Variants in EPHA6 observed in about 807,000 individuals in gnomAD.
EPHA6 encodes the protein EPH receptor A6, also known as ephrin type-A receptor 6.
A neutral mutation model predicts 112.0 loss-of-function variants in EPHA6; 50 were observed. The observed-to-expected ratio is 0.45, with a 90% CI of 0.36 to 0.56. The LOEUF (loss-of-function observed/expected upper bound fraction) is 0.56, where lower values mean the gene tolerates loss of function less well. Ranked by LOEUF, EPHA6 falls within the 20% of genes least tolerant of loss-of-function variation. The pLI, the probability that EPHA6 is intolerant of heterozygous loss-of-function variation, is 0.00. For missense variants in EPHA6, 1,280 were observed against 1,417.4 expected, an observed-to-expected ratio of 0.90 and a Z score of 1.56; for synonymous variants, 529 against 490.7, an observed-to-expected ratio of 1.08 and a Z score of -1.03.
At chr3:97,333,908 T>TGCAA (rs1260153650) in intron 5 of EPHA6, among the ~76,000 whole-genome samples, 1 of 152,132 alleles carries the variant, frequency 6.6e-6, no homozygotes, top group Non-Finnish European at 1.5e-5. Context: ...CATTCAGTCT[T>TGCAA]GCACCATCAA....
chr3:97,040,049 C>A (rs2045258324), intron 3 of EPHA6, among the ~76,000 whole-genome samples: 1 of 151,544 alleles, frequency 6.6e-6, no homozygotes, highest in East Asian at 1.9e-4. Context: ...GAGTGAGAAT[C>A]ATACCTGCTA....
At chr3:97,446,589 G>C (rs1172844283) in intron 6 of EPHA6, among the ~76,000 whole-genome samples, 1 of 152,006 alleles carries the variant, frequency 6.6e-6, no homozygotes, top group African/African-American at 2.4e-5. Flanking sequence ...TTGCTTTAAA[G>C]TTCTTATCTC....
chr3:97,516,315 C>A (rs1249622859), intron 10 of EPHA6, among the ~76,000 whole-genome samples: 1 of 152,146 alleles, frequency 6.6e-6, no homozygotes, highest in Non-Finnish European at 1.5e-5. Context: ...TGGTCTACTC[C>A]TCCTACTAAC....
At chr3:96,835,736 A>G (rs2034371896) in intron 1 of EPHA6, among the ~76,000 whole-genome samples, 1 of 152,102 alleles carries the variant, frequency 6.6e-6, no homozygotes, top group African/African-American at 2.4e-5. Context: ...ACCCAGATTT[A>G]TCTCTGTAAA....
chr3:96,873,265 G>GA (rs879807194), intron 2 of EPHA6, among the ~76,000 whole-genome samples: 2,295 of 140,080 alleles, frequency 0.016, 21 homozygotes, highest in Non-Finnish European at 0.022. Context: ...TTTCATCTCA[G>GA]AAAAAAAAAA....
At chr3:97,502,264 G>A (rs894757962) in intron 10 of EPHA6, among the ~76,000 whole-genome samples, 1 of 150,168 alleles carries the variant, frequency 6.7e-6, no homozygotes, top group South Asian at 2.1e-4. Context: ...TGCCTCCTAG[G>A]TTCAAGTGTT....
chr3:97,624,740 G>C (rs914827281), intron 13 of EPHA6, among the ~76,000 whole-genome samples: 14 of 151,408 alleles, frequency 9.2e-5, no homozygotes, highest in African/African-American at 3.1e-4. Flanking sequence ...ACTAGTTATA[G>C]GTCTATTCAG....
At chr3:97,183,965 T>C (rs2108458556) in intron 3 of EPHA6, among the ~76,000 whole-genome samples, 1 of 152,260 alleles carries the variant, frequency 6.6e-6, no homozygotes, top group Middle Eastern at 3.4e-3. Context: ...TAATAATGGC[T>C]TCATTGTTTC....
chr3:97,119,320 T>C (rs754912809), intron 3 of EPHA6, among the ~76,000 whole-genome samples: 2 of 152,048 alleles, frequency 1.3e-5, no homozygotes, highest in Non-Finnish European at 2.9e-5. Flanking sequence ...TTTCTCTAGG[T>C]GCGTGTTGCC....
intron 3 of EPHA6, among the ~76,000 whole-genome samples, chr3:97,071,825 G>A (rs2046368324): frequency 1.3e-5 from 2 of 151,952 alleles, no homozygotes; most frequent in East Asian, 3.9e-4. Context: ...CCGATCACCC[G>A]AGCTCTATAC....
intron 3 of EPHA6, among the ~76,000 whole-genome samples, chr3:97,141,279 A>G (rs1163594912): frequency 6.6e-6 from 1 of 152,092 alleles, no homozygotes; most frequent in Non-Finnish European, 1.5e-5. Context: ...TCCTCAAAGC[A>G]GAAAATCAAC....
rs766646757 is a variant in EPHA6 at position 96,814,771 on chromosome 3, C to T, written c.148C>T (p.Pro50Ser). 9 of 1,602,844 alleles carry T rather than the reference C, an allele frequency of 5.6e-6. No individual in the cohort carries two copies. Among genetic ancestry groups the T allele is most frequent in the East Asian group, 4.5e-5 (2 of 44,428 alleles). The change falls in exon 1 of 18, where the codon CCT becomes TCT. Residue 50 changes from proline to serine, a missense_variant. By Grantham distance (74) the Pro-to-Ser change is moderately conservative (BLOSUM62 -1). Coordinates refer to ENST00000389672, the MANE Select transcript of EPHA6 (RefSeq NM_001080448.3). ...TSRRGRPGTP[P>S]AGRVEEEEEE... ...GCGCAGGGGGCGCCCCGGGACACCCCCTGCGGGCCGGGTGGAGGAGGAAGA... is the reference window on the plus strand; with the variant it reads ...GCGCAGGGGGCGCCCCGGGACACCCTCTGCGGGCCGGGTGGAGGAGGAAGA...
At chr3:97,363,893 AAGTC>A (rs2084554971) in intron 5 of EPHA6, among the ~76,000 whole-genome samples, 2 of 152,144 alleles carry the variant, frequency 1.3e-5, no homozygotes, top group South Asian at 4.1e-4. Flanking sequence ...TAAGTGAACT[AAGTC>A]AGTCACGAAA....
At chr3:97,706,517 G>A (rs1414234597) in intron 14 of EPHA6, among the ~76,000 whole-genome samples, 3 of 152,312 alleles carry the variant, frequency 2.0e-5, no homozygotes, top group African/African-American at 7.2e-5. Flanking sequence ...TATTGCTGCT[G>A]TCTCCAACTT....
chr3:97,252,127 A>T (rs897839614), intron 5 of EPHA6, among the ~76,000 whole-genome samples: 10 of 152,154 alleles, frequency 6.6e-5, no homozygotes, highest in African/African-American at 2.4e-4. Flanking sequence ...GTAGGCCAGA[A>T]CAGAAAAATA....
At chr3:97,249,208 T>C (rs1446021722) in intron 5 of EPHA6, among the ~76,000 whole-genome samples, 1 of 152,128 alleles carries the variant, frequency 6.6e-6, no homozygotes, top group Non-Finnish European at 1.5e-5. Context: ...TTCTTATACA[T>C]AGGCAAATTA....
At chr3:97,240,920 T>C (rs1436716031) in intron 4 of EPHA6, among the ~76,000 whole-genome samples, 1 of 151,792 alleles carries the variant, frequency 6.6e-6, no homozygotes, top group African/African-American at 2.4e-5. Flanking sequence ...AGGACATATT[T>C]TGGGAAACAC....
intron 5 of EPHA6, among the ~76,000 whole-genome samples, chr3:97,386,081 C>A (rs989540772): frequency 5.1e-4 from 77 of 152,100 alleles, no homozygotes; most frequent in African/African-American, 1.8e-3. Flanking sequence ...TTCCAACAGT[C>A]CCCCAAAGTT....
At chr3:97,129,610 A>G (rs2048283810) in intron 3 of EPHA6, among the ~76,000 whole-genome samples, 1 of 152,158 alleles carries the variant, frequency 6.6e-6, no homozygotes, top group Admixed American at 6.6e-5. Context: ...ACACTTCTTA[A>G]AACAGTAAGG....
Sources: gnomAD v4.1 joint callset for allele counts (sites outside exome capture counted in the v4.1 genomes callset) on GRCh38, gnomAD v4.1.1 for gene constraint, MANE v1.5 for transcripts, NCBI Gene and HGNC (gene_info 2026-07-23, HGNC 2026-07-21) for gene names.